The following FAT4 variants were observed in gnomAD, a reference collection of about 807,000 sequenced individuals.
FAT4 encodes FAT atypical cadherin 4, also known as protocadherin Fat 4.
Under a neutral mutation model 303.9 loss-of-function variants are expected in FAT4, and 84 were observed. The observed-to-expected ratio is 0.28, with a 90% confidence interval of 0.23 to 0.33. The LOEUF (loss-of-function observed/expected upper bound fraction) is 0.33, where lower values mean the gene tolerates loss of function less well. Among genes scored for constraint, FAT4 ranks in the 10% least tolerant of loss-of-function variants. The probability of loss-of-function intolerance (pLI) is 1.00; values close to 1 mark genes in which losing one functional copy is unlikely to be tolerated. For synonymous variants in FAT4, 2,307 were observed against 2,298.8 expected (o/e 1.00, Z -0.10); for missense variants, 6,005 against 6,146.8 (o/e 0.98, Z 0.77).
At chr4:125,405,387 C>G (rs556796475) in intron 3 of FAT4, among the ~76,000 whole-genome samples, 1 of 152,218 alleles carries the variant, frequency 6.6e-6, no homozygotes, top group African/African-American at 2.4e-5. Flanking sequence ...CACTTCTTCA[C>G]CAACACTTGT....
At position 125,398,727 on chromosome 4, in the gene FAT4, T is replaced by C. The variant is rs1040082494; in HGVS notation, c.5176-57T>C. 4.5e-6 allele frequency: 7 copies of C among 1,553,388 alleles called. 1 individual carries two copies. The highest frequency in any genetic ancestry group is 3.5e-4 in the Middle Eastern group (2 of 5,788). ...CGTGGATTCCTGGTAGTCATTTTAATTGGTATCTTGCAGACACGTGGGAGT... is the reference window on the plus strand; with the variant it reads ...CGTGGATTCCTGGTAGTCATTTTAACTGGTATCTTGCAGACACGTGGGAGT... On this transcript the variant is annotated intron_variant, in intron 2 of 17. Transcript: ENST00000394329.
At chr4:125,377,964 C>A (rs1733395173) in intron 2 of FAT4, among the ~76,000 whole-genome samples, 1 of 151,848 alleles carries the variant, frequency 6.6e-6, no homozygotes, top group Admixed American at 6.6e-5. Context: ...AGCAGAAAAC[C>A]TGAAAAAACT....
In FAT4 at chr4:125,320,161, A is replaced by G; in HGVS notation, c.3750A>G (p.Ile1250Met). ...GNNGLIHYSIIKGNEERQFAI... is the reference protein window; with the variant it reads ...GNNGLIHYSIMKGNEERQFAI... ...ATGGACTTATTCACTATTCTATAAT[A>G]AAAGGAAATGAAGAAAGACAGTTTG... The change falls in exon 2 of 18, where the codon ATA becomes ATG. Residue 1250 changes from isoleucine to methionine, a missense_variant. By Grantham distance (10) the Ile-to-Met change is conservative. Transcript: ENST00000394329. The G allele has an allele frequency of 1.9e-6, 3 of 1,613,936 alleles. No individual in the cohort carries two copies. The highest frequency in any genetic ancestry group is 2.5e-6 in the Non-Finnish European group (3 of 1,179,822).
chr4:125,352,507 A>G lies in FAT4; in HGVS notation c.5175+30921A>G, dbSNP rs187017957. On this transcript the variant is annotated intron_variant, in intron 2 of 17. Coordinates refer to ENST00000394329, the MANE Select transcript of FAT4 (RefSeq NM_001291303.3). ...AAATGCACTAGCATGCAGGCCACCA[A>G]CATATTTGGGAAATACATCTCCTGT... is the stretch of plus-strand genomic sequence containing the variant. Among the ~76,000 whole-genome samples, 1,064 of 151,918 alleles carry G rather than the reference A, an allele frequency of 7.0e-3. 9 individuals carry two copies. Among genetic ancestry groups the G allele is most frequent in the Middle Eastern group, 0.031 (9 of 294 alleles).
intron 8 of FAT4, among the ~76,000 whole-genome samples, chr4:125,434,819 C>G (rs1725399115): frequency 6.6e-6 from 1 of 152,184 alleles, no homozygotes; most frequent in Admixed American, 6.5e-5. Flanking sequence ...TCAGGATCAT[C>G]TTGGCCCCCT....
At chr4:125,395,864 A>G (rs1264766250) in intron 2 of FAT4, among the ~76,000 whole-genome samples, 1 of 152,118 alleles carries the variant, frequency 6.6e-6, no homozygotes, top group Non-Finnish European at 1.5e-5. Flanking sequence ...AAAAAGAAAG[A>G]CTTTTCCGTA....
chr4:125,393,792 A>C, intron 2 of FAT4: 2 of 485,490 alleles, frequency 4.1e-6, no homozygotes, highest in Non-Finnish European at 7.5e-6. Flanking sequence ...CAAAAGACAG[A>C]TCATTTGTGA....
Position 125,318,607 on chromosome 4 carries a change from C to G in FAT4, c.2196C>G (p.Asp732Glu). The change falls in exon 2 of 18, where the codon GAC becomes GAG. Residue 732 changes from aspartate to glutamate, a missense_variant. By Grantham distance (45) the Asp-to-Glu change is conservative (BLOSUM62 2). Coordinates refer to ENST00000394329, the MANE Select transcript of FAT4 (RefSeq NM_001291303.3). The stretch of plus-strand genomic sequence containing the variant: ...TCAAATATAGCATATCTGCTGGGGA[C>G]AGGTCTCGGTTTCAGGTCAATGCTC... The part of the protein sequence containing the change: ...GTVKYSISAG[D>E]RSRFQVNAQS... 2 of 1,614,094 alleles carry G rather than the reference C, an allele frequency of 1.2e-6. No homozygotes were observed. Among genetic ancestry groups the G allele is most frequent in the Non-Finnish European group, 1.7e-6 (2 of 1,180,014 alleles).
intron 2 of FAT4, among the ~76,000 whole-genome samples, chr4:125,335,569 T>C (rs1384383193): frequency 6.6e-6 from 1 of 152,092 alleles, no homozygotes; most frequent in Admixed American, 6.6e-5. Context: ...GGAGGAAACA[T>C]TTGAAGAAAT....
chr4:125,412,165 C>T (rs1329530046), intron 5 of FAT4, among the ~76,000 whole-genome samples: 3 of 151,832 alleles, frequency 2.0e-5, no homozygotes, highest in Non-Finnish European at 4.4e-5. Context: ...TTTCAGTATA[C>T]TTCAAATATT....
chr4:125,402,394 A>G (rs1427883524), intron 3 of FAT4, among the ~76,000 whole-genome samples: 1 of 152,030 alleles, frequency 6.6e-6, no homozygotes, highest in Non-Finnish European at 1.5e-5. Context: ...ACAAATGTAC[A>G]GAGTGTGGTC....
chr4:125,489,690 T>C (rs895310771), intron 17 of FAT4, among the ~76,000 whole-genome samples: 1 of 152,186 alleles, frequency 6.6e-6, no homozygotes, highest in Non-Finnish European at 1.5e-5. Flanking sequence ...TGTTTGGTCA[T>C]GGTAATCTTA....
Position 125,451,672 on chromosome 4 carries a change from T to C in FAT4, c.10662T>C (p.Gly3554=), listed in dbSNP as rs1726080962. The C allele has an allele frequency of 9.3e-6, 15 of 1,614,162 alleles. No homozygotes were observed. The highest frequency in any genetic ancestry group is 1.3e-5 in the Non-Finnish European group (15 of 1,180,006). The part of the protein sequence containing the change: ...GPFTYYLLST[G]PATSYFSLST... ...TTACTTATTACTTGCTGAGCACAGG[T>C]CCTGCCACCAGTTATTTCAGTCTGA... Residue 3554 remains glycine (G), a synonymous_variant, in exon 10 of 18, where the codon GGT becomes GGC. Transcript: ENST00000394329.
chr4:125,316,696 C>G lies in FAT4; in HGVS notation c.285C>G (p.Thr95=). The G allele has an allele frequency of 6.2e-7, 1 of 1,613,722 alleles. No individual in the cohort carries two copies. The highest frequency in any genetic ancestry group is 8.5e-7 in the Non-Finnish European group (1 of 1,180,032). ...CCGGAGCCCTGTACACCACCTCCACCATCGACCGCGAGAGCCTGCCCAGCG... is the reference window on the plus strand; with the variant it reads ...CCGGAGCCCTGTACACCACCTCCACGATCGACCGCGAGAGCCTGCCCAGCG... ...SSTGALYTTS[T]IDRESLPSDV... is the part of the protein sequence containing the mutation. The change falls in exon 2 of 18, where the codon ACC becomes ACG. Residue 95 remains threonine (T), a synonymous_variant. Coordinates refer to ENST00000394329, the MANE Select transcript of FAT4 (RefSeq NM_001291303.3). This position sits in a 1 kb window ranked among gnomAD's most constrained non-coding sequence, Gnocchi z 5.7.
intron 3 of FAT4, among the ~76,000 whole-genome samples, chr4:125,402,128 C>T (rs1734410915): frequency 1.3e-5 from 2 of 151,876 alleles, no homozygotes; most frequent in African/African-American, 4.8e-5. Flanking sequence ...TGTTTTTTAT[C>T]AACACAGCCT....
intron 8 of FAT4, among the ~76,000 whole-genome samples, chr4:125,444,133 C>T (rs2126052833): frequency 6.6e-6 from 1 of 152,184 alleles, no homozygotes; most frequent in Middle Eastern, 3.4e-3. Flanking sequence ...ATTAAAAAAT[C>T]AGAATTTATA....
chr4:125,417,107 T>C (rs567412546), intron 7 of FAT4, among the ~76,000 whole-genome samples: 2 of 152,308 alleles, frequency 1.3e-5, no homozygotes, highest in East Asian at 3.9e-4. Flanking sequence ...ATGACATTTA[T>C]ATATAAGTGG....
intron 7 of FAT4, among the ~76,000 whole-genome samples, chr4:125,424,387 T>C (rs577600728): frequency 5.9e-5 from 9 of 152,180 alleles, no homozygotes; most frequent in Non-Finnish European, 1.3e-4. Context: ...TTCTCTCTCC[T>C]GCTGCCTTGT....
Position 125,321,413 on chromosome 4 carries a change from G to T in FAT4, c.5002G>T (p.Val1668Phe). 2 of 1,614,114 alleles carry T rather than the reference G, an allele frequency of 1.2e-6. No individual in the cohort carries two copies. The highest frequency in any genetic ancestry group is 1.7e-6 in the Non-Finnish European group (2 of 1,179,996). The change falls in exon 2 of 18, where the codon GTT becomes TTT. Residue 1668 changes from valine to phenylalanine, a missense_variant. Transcript: ENST00000394329. ...GSEAPVEYYI[V>F]SVRCEEKTVG... ...TGAGGCCCCAGTGGAGTATTATATT[G>T]TTTCAGTTCGTTGTGAAGAAAAAAC...
Sources: gnomAD v4.1 joint callset for allele counts (sites outside exome capture counted in the v4.1 genomes callset) on GRCh38, gnomAD v4.1.1 for gene constraint, Gnocchi (gnomAD v3.1) non-coding constraint, MANE v1.5 for transcripts, NCBI Gene and HGNC (gene_info 2026-07-23, HGNC 2026-07-21) for gene names.